PAPPA2: variants seen among roughly 807,000 people sequenced by gnomAD.
PAPPA2 encodes the protein pappalysin 2.
PAPPA2 carries 86 observed loss-of-function variants against 176.4 expected under a neutral mutation model. The ratio of observed to expected loss-of-function variants is 0.49; its 90% CI spans 0.41 to 0.58. The LOEUF is 0.58. Ranked by LOEUF, PAPPA2 falls within the 20% of genes least tolerant of loss-of-function variation. The pLI is 0.00. For missense variants in PAPPA2, 2,073 were observed against 2,256.9 expected (o/e 0.92, Z 1.65); for synonymous variants, 809 against 852.2 (o/e 0.95, Z 0.88).
chr1:176,784,724 C>T (rs570520071), intron 17 of PAPPA2, among the ~76,000 whole-genome samples: 1 of 151,852 alleles, frequency 6.6e-6, no homozygotes, highest in African/African-American at 2.4e-5. Flanking sequence ...ATAGCTGGGA[C>T]TACAGGTGCT....
intron 1 of PAPPA2, among the ~76,000 whole-genome samples, chr1:176,512,877 A>T (rs1197598130): frequency 6.6e-6 from 1 of 152,194 alleles, no homozygotes; most frequent in Non-Finnish European, 1.5e-5. Flanking sequence ...GTGCAACAAC[A>T]GGTCATAACA....
chr1:176,473,993 T>G (rs1199099870), intron 1 of PAPPA2, among the ~76,000 whole-genome samples: 1 of 152,192 alleles, frequency 6.6e-6, no homozygotes, highest in Non-Finnish European at 1.5e-5. Flanking sequence ...TTTGATGGAA[T>G]TTTTGGAACA....
chr1:176,722,632 G>T (rs1420645135), intron 12 of PAPPA2, among the ~76,000 whole-genome samples: 1 of 151,856 alleles, frequency 6.6e-6, no homozygotes. Flanking sequence ...ATTTTGCATT[G>T]CTTAGGATTT....
chr1:176,487,822 G>T (rs1652713629), intron 1 of PAPPA2, among the ~76,000 whole-genome samples: 1 of 152,100 alleles, frequency 6.6e-6, no homozygotes, highest in East Asian at 1.9e-4. Context: ...AAAGGGACAG[G>T]GAAGAAGTGA....
At chr1:176,516,468 A>G (rs570762121) in intron 1 of PAPPA2, among the ~76,000 whole-genome samples, 1 of 152,264 alleles carries the variant, frequency 6.6e-6, no homozygotes, top group East Asian at 1.9e-4. Context: ...GTGCCCCTCC[A>G]AAATCCATGT....
At chr1:176,632,228 GATGT>G (rs961121014) in intron 3 of PAPPA2, among the ~76,000 whole-genome samples, 2 of 137,772 alleles carry the variant, frequency 1.5e-5, no homozygotes, top group African/African-American at 6.2e-5. Flanking sequence ...AATTAGTAGT[GATGT>G]GTGTGTGTGT....
rs765974191 is a variant in PAPPA2 at position 176,789,831 on chromosome 1, C to T, written c.4738C>T (p.Leu1580=). 5 of 1,613,870 alleles carry T rather than the reference C, an allele frequency of 3.1e-6. No homozygotes were observed. The Admixed American group carries it at 8.3e-5, about 27-fold the overall frequency. The change falls in exon 18 of 23, where the codon CTG becomes TTG. Residue 1580 remains leucine (L), a synonymous_variant. Coordinates refer to ENST00000367662, the MANE Select transcript of PAPPA2 (RefSeq NM_020318.3). ...VRNKLLKIQC[L]EGGIWEQGSC... is the part of the protein sequence containing the mutation. ...CAGCAAGCTCCTGAAGATACAATGCCTGGAAGGTGGAATCTGGGAGCAAGG... is the reference window on the plus strand; with the variant it reads ...CAGCAAGCTCCTGAAGATACAATGCTTGGAAGGTGGAATCTGGGAGCAAGG...
At chr1:176,611,811 G>T (rs1403328340) in intron 3 of PAPPA2, among the ~76,000 whole-genome samples, 1 of 152,042 alleles carries the variant, frequency 6.6e-6, no homozygotes, top group Non-Finnish European at 1.5e-5. Flanking sequence ...TTTTTCTAAG[G>T]CTTATTCCAA....
Position 176,679,606 on chromosome 1 carries a change from A to G in PAPPA2, c.2137+8491A>G, listed in dbSNP as rs190300648. Among the ~76,000 whole-genome samples, 852 of 152,316 alleles carry G rather than the reference A, an allele frequency of 5.6e-3. 16 individuals carry two copies. Among genetic ancestry groups the G allele is most frequent in the African/African-American group, 0.02 (815 of 41,572 alleles). On this transcript the variant is annotated intron_variant, in intron 4 of 22. Transcript: ENST00000367662. ...TTCTCTTTTCACAGGGCATGAAACCAGCAGCCACTTGACCCAAGGGCAGCT... is the reference window on the plus strand; with the variant it reads ...TTCTCTTTTCACAGGGCATGAAACCGGCAGCCACTTGACCCAAGGGCAGCT...
intron 2 of PAPPA2, among the ~76,000 whole-genome samples, chr1:176,585,032 C>A (rs149172998): frequency 5.9e-5 from 9 of 152,340 alleles, no homozygotes; most frequent in African/African-American, 2.2e-4. Context: ...GCCACTGCAC[C>A]TGGCCTGATT....
intron 1 of PAPPA2, among the ~76,000 whole-genome samples, chr1:176,468,469 T>C (rs1651727995): frequency 6.6e-6 from 1 of 152,172 alleles, no homozygotes; most frequent in Admixed American, 6.5e-5. Context: ...AGGTATATGG[T>C]CCCATCTCTT....
Position 176,556,150 on chromosome 1 carries a change from A to G in PAPPA2, c.-173A>G, listed in dbSNP as rs1349739740. On this transcript the variant is annotated 5_prime_UTR_variant, in exon 2 of 23. Coordinates refer to ENST00000367662, the MANE Select transcript of PAPPA2 (RefSeq NM_020318.3). Reference sequence around the variant, plus strand: ...GCCACACTGGCAGAGCGGCCAGCACAGGTAGCCAGCAGAGGCATTCTTGGG... The same window carrying G: ...GCCACACTGGCAGAGCGGCCAGCACGGGTAGCCAGCAGAGGCATTCTTGGG... The G allele has an allele frequency of 4.1e-6, 3 of 740,364 alleles. No homozygotes were observed. The highest frequency in any genetic ancestry group is 2.8e-5 in the Admixed American group (1 of 35,848). 45.9% of individuals were successfully genotyped at this position (740,364 alleles called of 1,614,324 possible).
chr1:176,678,918 T>A (rs1659445366), intron 4 of PAPPA2, among the ~76,000 whole-genome samples: 1 of 152,124 alleles, frequency 6.6e-6, no homozygotes, highest in African/African-American at 2.4e-5. Flanking sequence ...AAGATAAAAT[T>A]GATTTTGATC....
At chr1:176,714,005 A>T (rs1237475786) in intron 12 of PAPPA2, among the ~76,000 whole-genome samples, 2 of 152,014 alleles carry the variant, frequency 1.3e-5, no homozygotes, top group African/African-American at 4.8e-5. Flanking sequence ...TTTAACTCTA[A>T]CTCCCTTGAC....
rs1187161419 is a variant in PAPPA2 at position 176,623,333 on chromosome 1, C to T, written c.1991+27738C>T. ...GTATCTTTAATTCAGAGAGGTGAAA[C>T]ATTCCATGTGTGTTTCTGATAATTT... On this transcript the variant is annotated intron_variant, in intron 3 of 22. Coordinates refer to ENST00000367662, the MANE Select transcript of PAPPA2 (RefSeq NM_020318.3). 2.0e-5 allele frequency among the ~76,000 whole-genome samples: 3 copies of T among 152,158 alleles called. No individual in the cohort carries two copies. In the East Asian group the frequency reaches 5.8e-4, roughly 29 times the overall value.
chr1:176,566,942 C>T (rs1236880342), intron 2 of PAPPA2, among the ~76,000 whole-genome samples: 1 of 152,146 alleles, frequency 6.6e-6, no homozygotes, highest in South Asian at 2.1e-4. Flanking sequence ...CATCCATTAG[C>T]TTCAGTTCCT....
At chr1:176,696,393 A>G (rs1253598573) in intron 7 of PAPPA2, among the ~76,000 whole-genome samples, 1 of 152,052 alleles carries the variant, frequency 6.6e-6, no homozygotes, top group Non-Finnish European at 1.5e-5. Context: ...TTCCACACTG[A>G]CTGTTCTCGT....
chr1:176,780,495 C>T (rs943050310), intron 17 of PAPPA2, among the ~76,000 whole-genome samples: 10 of 152,062 alleles, frequency 6.6e-5, no homozygotes, highest in Non-Finnish European at 1.2e-4. Context: ...TCCATTTCTC[C>T]ATTTACAGTT....
chr1:176,609,509 T>A (rs1042040406), intron 3 of PAPPA2, among the ~76,000 whole-genome samples: 3 of 152,096 alleles, frequency 2.0e-5, no homozygotes, highest in Admixed American at 1.3e-4. Context: ...CCATAGAAAG[T>A]CTTACTGAAA....
Sources: allele counts gnomAD v4.1 joint callset (sites outside exome capture counted in the v4.1 genomes callset), GRCh38; gene constraint gnomAD v4.1.1; transcripts MANE v1.5; gene names NCBI Gene and HGNC (gene_info 2026-07-23, HGNC 2026-07-21).